The following SAAL1 variants were observed in gnomAD, a reference collection of about 807,000 sequenced individuals.
SAAL1 encodes the protein protein SAAL1.
A neutral mutation model predicts 59.8 loss-of-function variants in SAAL1; 42 were observed. The ratio of observed to expected loss-of-function variants is 0.70; its 90% CI spans 0.55 to 0.91. SAAL1 has a LOEUF of 0.91. SAAL1 is among the 40% of genes least tolerant of loss of function. The probability of loss-of-function intolerance (pLI) is 0.00; values close to 1 mark genes in which losing one functional copy is unlikely to be tolerated. For missense variants in SAAL1, 542 were observed against 561.1 expected (o/e 0.97, Z 0.34); for synonymous variants, 191 against 194.3 (o/e 0.98, Z 0.14).
intron 10 of SAAL1, among the ~76,000 whole-genome samples, chr11:18,082,467 T>G (rs1276934925): frequency 6.7e-6 from 1 of 149,366 alleles, no homozygotes; most frequent in East Asian, 1.9e-4. Flanking sequence ...TGACAAAATA[T>G]GGCCATCATG....
chr11:18,103,309 T>A lies in SAAL1; in HGVS notation c.173A>T (p.Asp58Val). The change falls in exon 2 of 12, where the codon GAT becomes GTT. Residue 58 changes from aspartate (D) to valine (V), a missense_variant. Coordinates refer to ENST00000524803, the MANE Select transcript of SAAL1 (RefSeq NM_138421.3). ...ATCAAGCTCCGTCAGCTGCTCCTCA[T>A]CATCTGAGCTAGATTTGGTGTTTTC... Reference protein sequence around the residue: ...SPENTKSSSDDEEQLTELDEE... With the variant: ...SPENTKSSSDVEEQLTELDEE... The A allele has an allele frequency of 1.2e-6, 2 of 1,613,918 alleles. No individual in the cohort carries two copies. Among genetic ancestry groups the A allele is most frequent in the South Asian group, 1.1e-5 (1 of 91,082 alleles).
chr11:18,083,953 G>A (rs1848436526), intron 9 of SAAL1, among the ~76,000 whole-genome samples: 1 of 152,206 alleles, frequency 6.6e-6, no homozygotes, highest in African/African-American at 2.4e-5. Context: ...GGAAATAAAA[G>A]AGGAATATAA....
At chr11:18,081,745 C>T in intron 10 of SAAL1, 2 of 430,406 alleles carry the variant, frequency 4.6e-6, no homozygotes, top group East Asian at 3.5e-5. Context: ...TGGAACACAG[C>T]CAAGACTTTT....
At chr11:18,093,064 G>C (rs1355939848) in intron 3 of SAAL1, among the ~76,000 whole-genome samples, 1 of 152,202 alleles carries the variant, frequency 6.6e-6, no homozygotes, top group African/African-American at 2.4e-5. Flanking sequence ...CCCAGGATGT[G>C]AATCATTCTT....
intron 9 of SAAL1, among the ~76,000 whole-genome samples, chr11:18,086,234 C>T (rs897484283): frequency 6.6e-6 from 1 of 151,900 alleles, no homozygotes; most frequent in Non-Finnish European, 1.5e-5. Context: ...GAGACCCTGT[C>T]TCTATAAATA....
At chr11:18,086,415 C>G (rs556640115) in intron 9 of SAAL1, among the ~76,000 whole-genome samples, 2 of 151,688 alleles carry the variant, frequency 1.3e-5, no homozygotes. Flanking sequence ...AATAAGTAAA[C>G]AGGCCAGGTG....
At chr11:18,103,188 T>C in intron 2 of SAAL1, 45 bp downstream of exon 2, 1 of 1,283,666 alleles carries the variant, frequency 7.8e-7, no homozygotes, top group African/African-American at 1.5e-5. Flanking sequence ...TCATTCACCA[T>C]CTCCTCACCC....
At chr11:18,101,862 A>C (rs1405230765) in intron 2 of SAAL1, among the ~76,000 whole-genome samples, 1 of 150,560 alleles carries the variant, frequency 6.6e-6, no homozygotes. Flanking sequence ...AACATGGATG[A>C]ATCTCAAAAT....
chr11:18,100,728 T>C (rs539331865), intron 2 of SAAL1, among the ~76,000 whole-genome samples: 2 of 152,344 alleles, frequency 1.3e-5, no homozygotes, highest in Admixed American at 1.3e-4. Flanking sequence ...TGTGGACAAC[T>C]GATTTTTGAC....
Position 18,080,313 on chromosome 11 carries a change from A to T in SAAL1, c.*86T>A. 1 of 835,062 alleles carries T rather than the reference A, an allele frequency of 1.2e-6. No individual in the cohort carries two copies. Among genetic ancestry groups the T allele is most frequent in the Non-Finnish European group, 1.9e-6 (1 of 519,686 alleles). 51.7% of individuals were successfully genotyped at this position (835,062 alleles called of 1,614,324 possible). On this transcript the variant is annotated 3_prime_UTR_variant, in exon 12 of 12. Coordinates refer to ENST00000524803, the MANE Select transcript of SAAL1 (RefSeq NM_138421.3). ...ACAATTATGGTCTAATATGGGCTTT[A>T]GTTAATATTTCCAATAAGTCAATTT...
In SAAL1 at chr11:18,083,595, C is replaced by T; in HGVS notation, c.1179G>A (p.Leu393=). Reference sequence around the variant, plus strand: ...CACATAAAATATCCTTTAAGATTTTCAAGTGGAAATCATCTTGGGTTAAAT... The same window carrying T: ...CACATAAAATATCCTTTAAGATTTTTAAGTGGAAATCATCTTGGGTTAAAT... The part of the protein sequence containing the change: ...RTDLTQDDFH[L]KILKDILCEF... Residue 393 remains leucine (L), a synonymous_variant, in exon 10 of 12, where the codon TTG becomes TTA. Transcript: ENST00000524803. 1.9e-6 allele frequency: 3 copies of T among 1,600,798 alleles called. No individual in the cohort carries two copies. The highest frequency in any genetic ancestry group is 2.6e-6 in the Non-Finnish European group (3 of 1,168,582).
chr11:18,099,613 A>C (rs540513496), intron 2 of SAAL1, among the ~76,000 whole-genome samples: 75 of 152,378 alleles, frequency 4.9e-4, no homozygotes, highest in Non-Finnish European at 1.0e-3. Context: ...GAAGGAATTT[A>C]AATCCATCAG....
Position 18,080,405 on chromosome 11 carries a change from C to A in SAAL1, c.1419G>T (p.Gln473His), listed in dbSNP as rs149351094. The A allele has an allele frequency of 1.3e-6, 2 of 1,582,682 alleles. No individual in the cohort carries two copies. The highest frequency in any genetic ancestry group is 2.3e-5 in the East Asian group (1 of 44,128). Residue 473 changes from glutamine to histidine, a missense_variant, in exon 12 of 12, where the codon CAG becomes CAT. Gln to His is a conservative substitution (Grantham distance 24). Transcript: ENST00000524803. Reference sequence around the variant, plus strand: ...AGTAATTCCAATTCAGGTTTTAAGTCTGAACCTTCAAACTTGGGAAGTTTT... The same window carrying A: ...AGTAATTCCAATTCAGGTTTTAAGTATGAACCTTCAAACTTGGGAAGTTTT... ...LEKNFPSLKV[Q>H]T is the part of the protein sequence containing the mutation.
At chr11:18,088,072 G>A (rs1436797257) in intron 7 of SAAL1, among the ~76,000 whole-genome samples, 3 of 152,294 alleles carry the variant, frequency 2.0e-5, no homozygotes, top group African/African-American at 4.8e-5. Flanking sequence ...AAGTGTCTGA[G>A]GTGGAGGAAA....
At chr11:18,091,948 T>A (rs1848527816) in intron 4 of SAAL1, among the ~76,000 whole-genome samples, 1 of 152,248 alleles carries the variant, frequency 6.6e-6, no homozygotes, top group Non-Finnish European at 1.5e-5. Flanking sequence ...TGGATTCCAG[T>A]TGGCTGCCCC....
chr11:18,092,615 AAGAC>A (rs1441927324), intron 3 of SAAL1, among the ~76,000 whole-genome samples: 2 of 152,218 alleles, frequency 1.3e-5, no homozygotes, highest in South Asian at 4.1e-4. Flanking sequence ...TGCAAACAAA[AAGAC>A]AGACATTCAA....
At chr11:18,087,549 C>A (rs1465953031) in intron 7 of SAAL1, among the ~76,000 whole-genome samples, 1 of 152,058 alleles carries the variant, frequency 6.6e-6, no homozygotes, top group African/African-American at 2.4e-5. Flanking sequence ...CTTGAATAAT[C>A]AGAACAAAAA....
chr11:18,081,138 T>C (rs910415722), intron 11 of SAAL1, among the ~76,000 whole-genome samples: 3 of 152,072 alleles, frequency 2.0e-5, no homozygotes, highest in African/African-American at 7.3e-5. Context: ...GCCCTTGCCC[T>C]CCCTCTCTCC....
chr11:18,102,688 T>C (rs927546438), intron 2 of SAAL1, among the ~76,000 whole-genome samples: 1 of 152,222 alleles, frequency 6.6e-6, no homozygotes, highest in Non-Finnish European at 1.5e-5. Context: ...GGTCATTTAA[T>C]GTCTTTTGGC....
Sources: gnomAD v4.1 joint callset for allele counts (sites outside exome capture counted in the v4.1 genomes callset) on GRCh38, gnomAD v4.1.1 for gene constraint, MANE v1.5 for transcripts, NCBI Gene and HGNC (gene_info 2026-07-23, HGNC 2026-07-21) for gene names.